Variants in COLEC10 observed in about 807,000 individuals in gnomAD.
The protein encoded by COLEC10 is collectin-10.
COLEC10 carries 22 observed loss-of-function variants against 28.4 expected under a neutral mutation model. The ratio of observed to expected loss-of-function variants is 0.78; its 90% CI spans 0.55 to 1.11. The LOEUF (loss-of-function observed/expected upper bound fraction) is 1.11. Ranked by LOEUF, COLEC10 falls within the 50% of genes least tolerant of loss-of-function variation. The pLI, the probability that COLEC10 is intolerant of heterozygous loss-of-function variation, is 0.00. For synonymous variants in COLEC10, 125 were observed against 116.1 expected (o/e 1.08, Z -0.49); for missense variants, 361 against 344.1 (o/e 1.05, Z -0.39).
upstream of COLEC10, among the ~76,000 whole-genome samples, chr8:118,991,585 A>G (rs1198202865): frequency 6.6e-6 from 1 of 152,102 alleles, no homozygotes; most frequent in Non-Finnish European, 1.5e-5. Flanking sequence ...CCCCTGGTCT[A>G]TGCACTCACC....
At chr8:118,987,193 T>G in the COLEC10 span, among the ~76,000 whole-genome samples, 1 of 152,020 alleles carries the variant, frequency 6.6e-6, no homozygotes. Flanking sequence ...AAGTGGAAAT[T>G]TAGAACTTCA....
upstream of COLEC10, among the ~76,000 whole-genome samples, chr8:119,065,176 G>A (rs562403388): frequency 2.9e-4 from 44 of 152,230 alleles, no homozygotes; most frequent in African/African-American, 9.4e-4. Context: ...AACTGGTATC[G>A]GTTTGTGGCC....
At chr8:119,008,931 C>T (rs188607358) in intron 1 of COLEC10, among the ~76,000 whole-genome samples, 4 of 151,130 alleles carry the variant, frequency 2.6e-5, no homozygotes, top group African/African-American at 9.9e-5. Context: ...ATAGCAATTC[C>T]TTCTTTCTTC....
At chr8:119,010,478 G>A (rs1813884341) in intron 2 of COLEC10, among the ~76,000 whole-genome samples, 1 of 150,912 alleles carries the variant, frequency 6.6e-6, no homozygotes, top group South Asian at 2.1e-4. Context: ...ACATCTGTGT[G>A]CAAGTTTTTG....
At chr8:119,007,607 T>G (rs1215370381) in intron 1 of COLEC10, among the ~76,000 whole-genome samples, 1 of 151,148 alleles carries the variant, frequency 6.6e-6, no homozygotes, top group South Asian at 2.1e-4. Context: ...TTAAGACCAA[T>G]TGTCCAAACT....
chr8:118,996,086 G>A (rs777541991), intron 1 of COLEC10, among the ~76,000 whole-genome samples: 2 of 152,078 alleles, frequency 1.3e-5, no homozygotes, highest in Non-Finnish European at 2.9e-5. Flanking sequence ...TCTACTCTCT[G>A]CTTAATTTGA....
chr8:119,018,236 C>T (rs1215055628), intron 2 of COLEC10, among the ~76,000 whole-genome samples: 1 of 152,146 alleles, frequency 6.6e-6, no homozygotes, highest in African/African-American at 2.4e-5. Flanking sequence ...CCCCTAGGGT[C>T]ACTTGGTAGC....
upstream of COLEC10, among the ~76,000 whole-genome samples, chr8:118,991,042 CTTT>C (rs1197142138): frequency 1.3e-5 from 2 of 151,472 alleles, no homozygotes; most frequent in African/African-American, 4.8e-5. Flanking sequence ...TTTGGAAAAT[CTTT>C]TATTATTTCA....
At chr8:118,968,493 C>A in the COLEC10 span, among the ~76,000 whole-genome samples, 8 of 151,966 alleles carry the variant, frequency 5.3e-5, no homozygotes, top group African/African-American at 1.9e-4. Context: ...CAGGACCAGG[C>A]ACTTTCCATA....
chr8:119,027,309 A>G (rs1814210428), intron 2 of COLEC10, among the ~76,000 whole-genome samples: 1 of 152,162 alleles, frequency 6.6e-6, no homozygotes, highest in Admixed American at 6.5e-5. Flanking sequence ...CCCACATTTA[A>G]TTCATACATT....
chr8:118,986,804 T>C, the COLEC10 span, among the ~76,000 whole-genome samples: 63 of 152,148 alleles, frequency 4.1e-4, 1 homozygote, highest in Non-Finnish European at 5.1e-4. Context: ...CCATACATAT[T>C]GTATGATTCA....
chr8:119,091,127 A>AGATAACAT (rs754757651), intron 2 of COLEC10, 22 bp from the exon 3 acceptor site: 1 of 1,598,362 alleles, frequency 6.3e-7, no homozygotes, highest in Admixed American at 1.7e-5. Flanking sequence ...TATGATAAAA[A>AGATAACAT]GATAACATGT....
At chr8:118,988,058 G>A in the COLEC10 span, among the ~76,000 whole-genome samples, 1 of 152,104 alleles carries the variant, frequency 6.6e-6, no homozygotes, top group Non-Finnish European at 1.5e-5. Flanking sequence ...GAGAGATCGA[G>A]CTGAGATCTG....
chr8:118,963,983 C>T, the COLEC10 span, among the ~76,000 whole-genome samples: 1 of 152,174 alleles, frequency 6.6e-6, no homozygotes, highest in African/African-American at 2.4e-5. Flanking sequence ...AATGCATACA[C>T]CAATGTGCAA....
chr8:119,009,837 G>T (rs959908897), intron 2 of COLEC10, among the ~76,000 whole-genome samples: 1 of 100,526 alleles, frequency 9.9e-6, no homozygotes, highest in Non-Finnish European at 1.9e-5. Flanking sequence ...TGAAAGCTCA[G>T]CTCTTTTTTT....
chr8:119,033,235 T>C (rs1814324015), intron 2 of COLEC10, among the ~76,000 whole-genome samples: 1 of 99,496 alleles, frequency 1.0e-5, no homozygotes, highest in East Asian at 3.2e-4. Context: ...TAGGGCTTTT[T>C]AGTAATTCAC....
chr8:118,965,401 A>T, the COLEC10 span, among the ~76,000 whole-genome samples: 1 of 152,094 alleles, frequency 6.6e-6, no homozygotes, highest in East Asian at 1.9e-4. Context: ...TTTATTTTTT[A>T]AAAGGCTCAA....
At chr8:118,993,788 T>C (rs768008211), upstream of COLEC10, among the ~76,000 whole-genome samples, 8 of 152,182 alleles carry the variant, frequency 5.3e-5, no homozygotes, top group Admixed American at 6.5e-5. Flanking sequence ...TCTCCAAATA[T>C]AGTCACATTC....
intron 2 of COLEC10, among the ~76,000 whole-genome samples, chr8:119,010,617 C>T (rs1563715945): frequency 2.0e-5 from 3 of 151,086 alleles, no homozygotes; most frequent in Admixed American, 1.3e-4. Flanking sequence ...TTTGCATTCT[C>T]ACAAGCAATG....
Sources: gnomAD v4.1 joint callset for allele counts (sites outside exome capture counted in the v4.1 genomes callset) on GRCh38, gnomAD v4.1.1 for gene constraint, MANE v1.5 for transcripts, NCBI Gene and HGNC (gene_info 2026-07-23, HGNC 2026-07-21) for gene names.